MICU3: variants seen among roughly 807,000 people sequenced by gnomAD.
The protein encoded by MICU3 is mitochondrial calcium uptake 3, also known as calcium uptake protein 3, mitochondrial.
MICU3 carries 62 observed loss-of-function variants against 66.5 expected under a neutral mutation model. The observed-to-expected ratio is 0.93, with a 90% confidence interval of 0.76 to 1.15. The LOEUF (loss-of-function observed/expected upper bound fraction) is 1.15, where lower values mean the gene tolerates loss of function less well. MICU3 is among the 50% of genes most tolerant of loss of function. The pLI is 0.00. For missense variants in MICU3, 779 were observed against 664.4 expected (o/e 1.17, Z -1.90); for synonymous variants, 308 against 240.7 (o/e 1.28, Z -2.59).
intron 1 of MICU3, among the ~76,000 whole-genome samples, chr8:17,036,222 A>G (rs1352719464): frequency 6.6e-6 from 1 of 151,624 alleles, no homozygotes; most frequent in Admixed American, 6.6e-5. Context: ...GCGTGTCTGG[A>G]GTTGTTCATT....
chr8:17,111,750 A>G (rs1563394117), intron 11 of MICU3, among the ~76,000 whole-genome samples: 1 of 152,190 alleles, frequency 6.6e-6, no homozygotes, highest in Non-Finnish European at 1.5e-5. Context: ...TCCAGTTGTC[A>G]TAGCACCATT....
At chr8:17,094,818 G>A (rs564496437) in intron 8 of MICU3, among the ~76,000 whole-genome samples, 94 of 151,990 alleles carry the variant, frequency 6.2e-4, no homozygotes, top group Non-Finnish European at 1.1e-3. Flanking sequence ...GCATGCAGCA[G>A]TAGTGCTGTA....
At chr8:17,085,916 TTC>T in intron 6 of MICU3, among the ~76,000 whole-genome samples, 1 of 152,270 alleles carries the variant, frequency 6.6e-6, no homozygotes, top group Non-Finnish European at 1.5e-5. Context: ...TCCAGAATTT[TTC>T]TGTTTGTTTT....
Position 17,116,576 on chromosome 8 carries a change from A to G in MICU3, c.1500A>G (p.Lys500=). The change falls in exon 13 of 15, where the codon AAA becomes AAG. Residue 500 remains lysine (K), a synonymous_variant. Transcript: ENST00000318063. The part of the protein sequence containing the change: ...LSYKEFIGIM[K]DRLHRGFRGY... ...ATAAAGAATTTATTGGAATTATGAA[A>G]GACAGACTCCATAGAGGATTCCGGG... 1 of 1,565,536 alleles carries G rather than the reference A, an allele frequency of 6.4e-7. No homozygotes were observed. Among genetic ancestry groups the G allele is most frequent in the Non-Finnish European group, 8.6e-7 (1 of 1,164,172 alleles).
At chr8:17,029,592 T>G (rs1811667992) in intron 1 of MICU3, among the ~76,000 whole-genome samples, 1 of 152,232 alleles carries the variant, frequency 6.6e-6, no homozygotes, top group Admixed American at 6.5e-5. Context: ...AATGTTAAAG[T>G]CCTGTGTCTT....
downstream of MICU3, among the ~76,000 whole-genome samples, chr8:17,122,842 G>A (rs1228938045): frequency 6.6e-6 from 1 of 151,928 alleles, no homozygotes. Flanking sequence ...GCTTCTCAAA[G>A]TAAATTGTAG....
intron 10 of MICU3, 143 bp downstream of exon 10, chr8:17,104,634 T>G: frequency 2.4e-6 from 1 of 413,534 alleles, no homozygotes; most frequent in Non-Finnish European, 4.4e-6. Context: ...ATACCCACAT[T>G]TATCAGTACC....
intron 1 of MICU3, among the ~76,000 whole-genome samples, chr8:17,063,143 A>G (rs1218367984): frequency 1.3e-5 from 2 of 152,166 alleles, no homozygotes; most frequent in African/African-American, 2.4e-5. Context: ...AATGATATAT[A>G]TGGTATAATC....
At chr8:17,029,127 A>G (rs545695711) in intron 1 of MICU3, among the ~76,000 whole-genome samples, 1 of 152,340 alleles carries the variant, frequency 6.6e-6, no homozygotes, top group South Asian at 2.1e-4. Context: ...TATGAGAGTT[A>G]AATGAGTTAA....
chr8:17,074,290 T>C (rs950773450), intron 3 of MICU3, among the ~76,000 whole-genome samples: 2 of 152,094 alleles, frequency 1.3e-5, no homozygotes, highest in African/African-American at 4.8e-5. Context: ...TTTGTTTTTA[T>C]TTTCAAATAA....
At chr8:17,045,106 G>T (rs548394758) in intron 1 of MICU3, among the ~76,000 whole-genome samples, 10 of 152,068 alleles carry the variant, frequency 6.6e-5, no homozygotes, top group African/African-American at 2.2e-4. Context: ...GTCTTTGTTA[G>T]ATGAAGCCTA....
intron 6 of MICU3, among the ~76,000 whole-genome samples, chr8:17,085,529 G>A (rs940154083): frequency 3.3e-5 from 5 of 152,044 alleles, no homozygotes; most frequent in Admixed American, 1.3e-4. Context: ...GATGATTATC[G>A]TTGTTTTTTA....
rs554862830 is a variant in MICU3 at position 17,066,106 on chromosome 8, A to C, written c.535+1869A>C. 4.6e-5 allele frequency among the ~76,000 whole-genome samples: 7 copies of C among 151,994 alleles called. No individual in the cohort carries two copies. In the South Asian group the frequency reaches 1.0e-3, roughly 23 times the overall value. On this transcript the variant is annotated intron_variant, in intron 2 of 14. Coordinates refer to ENST00000318063, the MANE Select transcript of MICU3 (RefSeq NM_181723.3). Reference sequence around the variant, plus strand: ...TTTATTTACGAATTTTAAGGCTGTGATAAGTGTTATATCCTTTTTATTTAA... The same window carrying C: ...TTTATTTACGAATTTTAAGGCTGTGCTAAGTGTTATATCCTTTTTATTTAA...
chr8:17,138,453 A>T, the MICU3 span, among the ~76,000 whole-genome samples: 1 of 152,176 alleles, frequency 6.6e-6, no homozygotes. Context: ...TCTTGGAACA[A>T]ATTAGGGAAG....
At chr8:17,134,762 C>T in the MICU3 span, among the ~76,000 whole-genome samples, 3 of 152,126 alleles carry the variant, frequency 2.0e-5, no homozygotes, top group Non-Finnish European at 4.4e-5. Context: ...CCTTTTTGTT[C>T]TCTTCAGACT....
intron 1 of MICU3, among the ~76,000 whole-genome samples, chr8:17,055,481 A>G (rs1816780126): frequency 6.6e-6 from 1 of 152,138 alleles, no homozygotes; most frequent in Non-Finnish European, 1.5e-5. Context: ...CCTTTTCCAT[A>G]ATAGTTAGGG....
chr8:17,037,846 C>T (rs1030760598), intron 1 of MICU3, among the ~76,000 whole-genome samples: 1 of 152,160 alleles, frequency 6.6e-6, no homozygotes. Context: ...ATCAGTGTGA[C>T]CTGGATGTGA....
At chr8:17,082,150 A>G (rs1040411345) in intron 5 of MICU3, among the ~76,000 whole-genome samples, 1 of 151,804 alleles carries the variant, frequency 6.6e-6, no homozygotes. Flanking sequence ...TAAAACTTCT[A>G]TTTTCTCCCT....
At chr8:17,058,651 T>C (rs184503628) in intron 1 of MICU3, among the ~76,000 whole-genome samples, 1 of 152,328 alleles carries the variant, frequency 6.6e-6, no homozygotes, top group Admixed American at 6.5e-5. Context: ...GAGTTCCTTT[T>C]GACACTTTGA....
Sources: gnomAD v4.1 joint callset for allele counts (sites outside exome capture counted in the v4.1 genomes callset) on GRCh38, gnomAD v4.1.1 for gene constraint, MANE v1.5 for transcripts, NCBI Gene and HGNC (gene_info 2026-07-23, HGNC 2026-07-21) for gene names.